ATP9B: variants seen among roughly 807,000 people sequenced by gnomAD.
ATP9B encodes ATPase phospholipid transporting 9B.
In ATP9B, 110 loss-of-function variants were observed where a neutral mutation model predicts 146.1. The observed-to-expected ratio is 0.75, with a 90% confidence interval of 0.65 to 0.88. ATP9B has a LOEUF of 0.88. Among genes scored for constraint, ATP9B ranks in the 40% least tolerant of loss-of-function variants. The pLI, the probability that ATP9B is intolerant of heterozygous loss-of-function variation, is 0.00. For synonymous variants in ATP9B, 604 were observed against 569.7 expected (o/e 1.06, Z -0.86); for missense variants, 1,499 against 1,496.4 (o/e 1.00, Z -0.03).
At chr18:79,359,646 A>G in intron 26 of ATP9B, 184 bp downstream of exon 26, 2 of 580,692 alleles carry the variant, frequency 3.4e-6, no homozygotes, top group East Asian at 5.8e-5. Flanking sequence ...GTTAAACTTC[A>G]AAAGGGGAAA....
intron 8 of ATP9B, among the ~76,000 whole-genome samples, chr18:79,184,982 GA>G (rs11296587): frequency 0.51 from 74,746 of 147,996 alleles, 20,967 homozygotes; most frequent in African/African-American, 0.77. Flanking sequence ...AAATTTGTCT[GA>G]AAAAAAAAAA....
rs560214350 is a variant in ATP9B at position 79,345,372 on chromosome 18, A to T, written c.2473-56A>T. 21 of 1,593,820 alleles carry T rather than the reference A, an allele frequency of 1.3e-5. No individual in the cohort carries two copies. In the African/African-American group the frequency reaches 1.6e-4, roughly 12 times the overall value. On this transcript the variant is annotated intron_variant, in intron 21 of 29. Transcript: ENST00000426216. ...GGTTTTGCACTTTCTACATTACACAAATCTGGGACACTGTTGTCGACCATA... is the reference window on the plus strand; with the variant it reads ...GGTTTTGCACTTTCTACATTACACATATCTGGGACACTGTTGTCGACCATA...
intron 12 of ATP9B, chr18:79,254,152 TTTTC>T (rs1166260724): frequency 6.6e-6 from 1 of 152,228 alleles, no homozygotes; most frequent in Non-Finnish European, 1.5e-5. Flanking sequence ...TGATTTAAAA[TTTTC>T]ATAGGAATGA....
intron 11 of ATP9B, among the ~76,000 whole-genome samples, chr18:79,242,984 C>T (rs2095903959): frequency 6.6e-6 from 1 of 152,176 alleles, no homozygotes; most frequent in Non-Finnish European, 1.5e-5. Flanking sequence ...ATTTTCCTTA[C>T]AAAAGAATAC....
chr18:79,073,931 G>A (rs1017605425), intron 1 of ATP9B, among the ~76,000 whole-genome samples: 11 of 152,174 alleles, frequency 7.2e-5, no homozygotes, highest in South Asian at 2.1e-4. Flanking sequence ...TTCAGATTGC[G>A]AATGTTCTGG....
At chr18:79,139,110 G>A (rs1442077740) in intron 5 of ATP9B, among the ~76,000 whole-genome samples, 1 of 152,052 alleles carries the variant, frequency 6.6e-6, no homozygotes, top group African/African-American at 2.4e-5. Context: ...GTGTGTGTTT[G>A]GATATAAATA....
At chr18:79,124,502 C>T (rs1568226864) in intron 4 of ATP9B, among the ~76,000 whole-genome samples, 1 of 152,262 alleles carries the variant, frequency 6.6e-6, no homozygotes, top group Non-Finnish European at 1.5e-5. Flanking sequence ...TGGGGCACAT[C>T]ACAAATTGTT....
chr18:79,308,621 G>C (rs1483126770), intron 15 of ATP9B, among the ~76,000 whole-genome samples: 1 of 152,216 alleles, frequency 6.6e-6, no homozygotes, highest in Non-Finnish European at 1.5e-5. Flanking sequence ...AGAGAGCAGA[G>C]CAGCAGGTAC....
chr18:79,173,040 T>A (rs776606222), intron 7 of ATP9B, among the ~76,000 whole-genome samples: 1 of 152,218 alleles, frequency 6.6e-6, no homozygotes, highest in East Asian at 1.9e-4. Flanking sequence ...CGATGTTTGA[T>A]GGAAGCGGTG....
At chr18:79,359,523 G>T in intron 26 of ATP9B, 61 bp downstream of exon 26, 1 of 1,319,672 alleles carries the variant, frequency 7.6e-7, no homozygotes, top group East Asian at 2.3e-5. Flanking sequence ...CATTTTACAC[G>T]AGTGAGAAAC....
chr18:79,337,173 A>G (rs1437938061), intron 18 of ATP9B, 106 bp from the exon 19 acceptor site: 1 of 1,411,140 alleles, frequency 7.1e-7, no homozygotes, highest in Non-Finnish European at 9.8e-7. Flanking sequence ...ACGTGTGCAC[A>G]TAGTCACCTC....
chr18:79,084,489 T>C (rs2073613969), intron 1 of ATP9B, among the ~76,000 whole-genome samples: 1 of 151,942 alleles, frequency 6.6e-6, no homozygotes, highest in Non-Finnish European at 1.5e-5. Flanking sequence ...CTTAATTCAC[T>C]TCCCAATTTA....
intron 2 of ATP9B, among the ~76,000 whole-genome samples, chr18:79,104,188 A>G (rs956929601): frequency 6.6e-5 from 10 of 152,188 alleles, no homozygotes; most frequent in Non-Finnish European, 1.5e-5. Flanking sequence ...TGGTCTCCCC[A>G]TCCTAGAGGT....
At chr18:79,120,015 CTATT>C (rs1460213315) in intron 4 of ATP9B, among the ~76,000 whole-genome samples, 1 of 152,144 alleles carries the variant, frequency 6.6e-6, no homozygotes, top group Non-Finnish European at 1.5e-5. Context: ...TTAAAGGAAA[CTATT>C]TAAAATAATG....
intron 17 of ATP9B, among the ~76,000 whole-genome samples, chr18:79,336,361 G>A (rs1369455769): frequency 6.6e-6 from 1 of 152,266 alleles, no homozygotes; most frequent in Non-Finnish European, 1.5e-5. Context: ...GAGTCCAGGT[G>A]GAGTGTGCCC....
At chr18:79,370,079 A>G (rs535766308) in intron 26 of ATP9B, among the ~76,000 whole-genome samples, 44 of 152,376 alleles carry the variant, frequency 2.9e-4, no homozygotes, top group Middle Eastern at 3.4e-3. Flanking sequence ...AGCCTGGGCA[A>G]CAGAGCAAGA....
At chr18:79,256,667 A>G (rs375264243) in intron 12 of ATP9B, among the ~76,000 whole-genome samples, 1 of 152,074 alleles carries the variant, frequency 6.6e-6, no homozygotes, top group African/African-American at 2.4e-5. Context: ...TCTCCTCTCA[A>G]TCAATGCTAA....
intron 2 of ATP9B, among the ~76,000 whole-genome samples, chr18:79,109,253 A>G (rs1447991907): frequency 6.6e-6 from 1 of 152,138 alleles, no homozygotes; most frequent in Non-Finnish European, 1.5e-5. Context: ...AATTAAACCA[A>G]AATTTTAATA....
Position 79,303,612 on chromosome 18 carries a change from A to G in ATP9B, c.1420A>G (p.Thr474Ala). ...YLLTDKTGTLTQNEMIFKRLH... is the reference protein window; with the variant it reads ...YLLTDKTGTLAQNEMIFKRLH... ...TGTCCCCTTTATCCTAGGAACCCTC[A>G]CCCAGAATGAAATGATATTTAAGCG... Residue 474 changes from threonine (T) to alanine (A), a missense_variant, in exon 14 of 30, where the codon ACC (threonine) becomes GCC (alanine). Thr to Ala is a moderately conservative substitution (Grantham distance 58). Transcript: ENST00000426216. 6.2e-7 allele frequency: 1 copy of G among 1,613,724 alleles called. No individual in the cohort carries two copies. The highest frequency in any genetic ancestry group is 8.5e-7 in the Non-Finnish European group (1 of 1,179,778).
Sources: gnomAD v4.1 joint callset for allele counts (sites outside exome capture counted in the v4.1 genomes callset) on GRCh38, gnomAD v4.1.1 for gene constraint, MANE v1.5 for transcripts, NCBI Gene and HGNC (gene_info 2026-07-23, HGNC 2026-07-21) for gene names.